NCAM1: variants seen among roughly 807,000 people sequenced by gnomAD.
NCAM1 encodes antigen recognized by monoclonal antibody 5.1H11.
In NCAM1, 14 loss-of-function variants were observed where a neutral mutation model predicts 109.8. The ratio of observed to expected loss-of-function variants is 0.13; its 90% CI spans 0.08 to 0.20. The LOEUF (loss-of-function observed/expected upper bound fraction) is 0.20. Ranked by LOEUF, NCAM1 falls within the 10% of genes least tolerant of loss-of-function variation. The pLI is 1.00. For missense variants in NCAM1, 774 were observed against 1,109.9 expected (o/e 0.70, Z 4.30); for synonymous variants, 418 against 442.9 (o/e 0.94, Z 0.70).
chr11:113,253,532 T>G (rs1555121762), intron 15 of NCAM1, among the ~76,000 whole-genome samples: 1 of 152,194 alleles, frequency 6.6e-6, no homozygotes, highest in Non-Finnish European at 1.5e-5. Flanking sequence ...GAATGAAACT[T>G]GATCGAGGCA....
intron 1 of NCAM1, among the ~76,000 whole-genome samples, chr11:113,196,838 AGT>A (rs1214876531): frequency 6.6e-6 from 1 of 152,218 alleles, no homozygotes; most frequent in Admixed American, 6.5e-5. Flanking sequence ...TCCCTCCAGT[AGT>A]TTGCTGATAA....
At chr11:113,088,377 A>G (rs779086398) in intron 1 of NCAM1, among the ~76,000 whole-genome samples, 36 of 152,222 alleles carry the variant, frequency 2.4e-4, no homozygotes, top group Non-Finnish European at 3.8e-4. Flanking sequence ...AGACACTCCA[A>G]TGGCCATTCT....
rs1565517808 is a variant in NCAM1 at position 113,233,416 on chromosome 11, ACTGCAC to A, written c.1693+102_1693+107del. ...TGGGCATGTTCCTACAGAATCAGGA[ACTGCAC>A]CTCCAGAATTAGGTCAAAGTCATAT... On this transcript the variant is annotated intron_variant, in intron 13 of 19. Coordinates refer to ENST00000316851, the MANE Select transcript of NCAM1 (RefSeq NM_181351.5). This position sits in a 1 kb window ranked among gnomAD's most constrained non-coding sequence, Gnocchi z 4.5. 102 of 1,285,184 alleles carry A rather than the reference ACTGCAC, an allele frequency of 7.9e-5. 1 individual carries two copies. In the South Asian group the frequency reaches 1.4e-3, roughly 17 times the overall value. 79.6% of individuals were successfully genotyped at this position (1,285,184 alleles called of 1,614,324 possible).
chr11:112,966,880 A>G (rs1478686945), intron 1 of NCAM1, among the ~76,000 whole-genome samples: 1 of 152,234 alleles, frequency 6.6e-6, no homozygotes, highest in South Asian at 2.1e-4. Flanking sequence ...CCTTTCCTGC[A>G]GTATTAATTT....
chr11:113,121,690 G>T (rs1940968894), intron 1 of NCAM1, among the ~76,000 whole-genome samples: 1 of 152,040 alleles, frequency 6.6e-6, no homozygotes, highest in African/African-American at 2.4e-5. Flanking sequence ...TCTTATCTTG[G>T]TCAGACTTCA....
At chr11:113,248,604 G>A (rs1945569503) in intron 15 of NCAM1, among the ~76,000 whole-genome samples, 1 of 152,096 alleles carries the variant, frequency 6.6e-6, no homozygotes, top group Non-Finnish European at 1.5e-5. Flanking sequence ...CCCAACAACT[G>A]GTGACATCTG....
chr11:113,038,253 T>C (rs1952955712), intron 1 of NCAM1, among the ~76,000 whole-genome samples: 2 of 152,192 alleles, frequency 1.3e-5, no homozygotes, highest in African/African-American at 4.8e-5. Context: ...CCCCACTCAC[T>C]GTTCTCCAGC....
intron 1 of NCAM1, among the ~76,000 whole-genome samples, chr11:112,968,783 G>A (rs1950793698): frequency 1.3e-5 from 2 of 152,184 alleles, no homozygotes; most frequent in South Asian, 4.1e-4. Context: ...AAACAACTGT[G>A]AAATAGGAAG....
rs149365840 is a variant in NCAM1 at position 113,137,872 on chromosome 11, G to C, written c.53-64507G>C. ...CCAGTCGTGTTCGGAAATCATTCTT[G>C]TTCTCTGTTTAGACAAAAGGAAAAA... On this transcript the variant is annotated intron_variant, in intron 1 of 19. Transcript: ENST00000316851. Among the ~76,000 whole-genome samples, 35 of 152,260 alleles carry C rather than the reference G, an allele frequency of 2.3e-4. No individual in the cohort carries two copies. In the South Asian group the frequency reaches 5.4e-3, roughly 23 times the overall value.
At chr11:113,222,262 T>G (rs1944711483) in intron 9 of NCAM1, among the ~76,000 whole-genome samples, 1 of 152,256 alleles carries the variant, frequency 6.6e-6, no homozygotes, top group Admixed American at 6.5e-5. Flanking sequence ...AGATTCTGTA[T>G]TTTAATTTGG....
At position 113,214,522 on chromosome 11, in the gene NCAM1, C is replaced by G. The variant is rs686050; in HGVS notation, c.1059+11C>G. The G allele has an allele frequency of 0.36, 567,054 of 1,592,422 alleles. 104,625 individuals carry two copies. Among genetic ancestry groups the G allele is most frequent in the African/African-American group, 0.54 (40,393 of 74,416 alleles). On this transcript the variant is annotated intron_variant, in intron 8 of 19. Coordinates refer to ENST00000316851, the MANE Select transcript of NCAM1 (RefSeq NM_181351.5). ...AGCAGCGAAGAAAAGGTATCATGCT[C>G]CCCAGGAGTTTCAGGGCCTTGGAAT...
chr11:112,984,907 G>T (rs1295842820), intron 1 of NCAM1, among the ~76,000 whole-genome samples: 1 of 151,300 alleles, frequency 6.6e-6, no homozygotes, highest in Non-Finnish European at 1.5e-5. Context: ...GTTTGATGTA[G>T]TCCCACTTGT....
intron 7 of NCAM1, among the ~76,000 whole-genome samples, chr11:113,208,412 AC>A (rs1944300057): frequency 6.6e-6 from 1 of 152,034 alleles, no homozygotes; most frequent in Non-Finnish European, 1.5e-5. Context: ...GCTTTGCTGC[AC>A]ATGCAAAGTT....
intron 15 of NCAM1, among the ~76,000 whole-genome samples, chr11:113,251,406 A>G (rs1361204798): frequency 6.6e-6 from 1 of 152,224 alleles, no homozygotes; most frequent in East Asian, 1.9e-4. Context: ...CGGCATGGCC[A>G]GAAATATACA....
At chr11:113,006,853 T>A (rs1047821286) in intron 1 of NCAM1, among the ~76,000 whole-genome samples, 17 of 152,160 alleles carry the variant, frequency 1.1e-4, no homozygotes, top group Non-Finnish European at 2.1e-4. Flanking sequence ...CATAATATAA[T>A]CTTATTGAAG....
chr11:113,209,222 G>A (rs1446215254), intron 7 of NCAM1, among the ~76,000 whole-genome samples: 1 of 152,154 alleles, frequency 6.6e-6, no homozygotes, highest in Non-Finnish European at 1.5e-5. Flanking sequence ...TCAGGGTTGG[G>A]ACCTGCTTAT....
intron 13 of NCAM1, among the ~76,000 whole-genome samples, chr11:113,234,126 G>A (rs1253648659): frequency 6.7e-6 from 1 of 150,050 alleles, no homozygotes; most frequent in African/African-American, 2.5e-5. Context: ...GAGCCAGGGG[G>A]CCGAGAGGAG....
At chr11:113,145,762 C>G (rs932555133) in intron 1 of NCAM1, among the ~76,000 whole-genome samples, 18 of 152,128 alleles carry the variant, frequency 1.2e-4, no homozygotes, top group Admixed American at 2.6e-4. Flanking sequence ...ACCCCACCCC[C>G]ACTTTCCTCC....
At chr11:112,990,829 G>A (rs1951440894) in intron 1 of NCAM1, among the ~76,000 whole-genome samples, 1 of 152,142 alleles carries the variant, frequency 6.6e-6, no homozygotes, top group Non-Finnish European at 1.5e-5. Flanking sequence ...GTGTAGTGCT[G>A]TCCTATCAAA....
Sources: gnomAD v4.1 joint callset for allele counts (sites outside exome capture counted in the v4.1 genomes callset) on GRCh38, gnomAD v4.1.1 for gene constraint, Gnocchi (gnomAD v3.1) non-coding constraint, MANE v1.5 for transcripts, NCBI Gene and HGNC (gene_info 2026-07-23, HGNC 2026-07-21) for gene names.